Variants in CAPN2 observed in about 807,000 individuals in gnomAD.
The protein encoded by CAPN2 is calpain 2, also known as calpain-2 catalytic subunit.
CAPN2 carries 92 observed loss-of-function variants against 102.3 expected under a neutral mutation model. That is an observed-to-expected ratio of 0.90 (90% CI 0.76 to 1.07). The LOEUF is 1.07. Among genes scored for constraint, CAPN2 ranks in the 50% least tolerant of loss-of-function variants. The probability of loss-of-function intolerance (pLI) is 0.00; values close to 1 mark genes in which losing one functional copy is unlikely to be tolerated. For synonymous variants in CAPN2, 340 were observed against 355.4 expected (o/e 0.96, Z 0.49); for missense variants, 800 against 909.4 (o/e 0.88, Z 1.55).
In CAPN2 at chr1:223,756,167, C is replaced by T. The variant is rs889925148; in HGVS notation, c.1305+518C>T. 6.6e-6 allele frequency among the ~76,000 whole-genome samples: 1 copy of T among 152,162 alleles called. No individual in the cohort carries two copies. The highest frequency in any genetic ancestry group is 1.5e-5 in the Non-Finnish European group (1 of 68,032). On this transcript the variant is annotated intron_variant, in intron 10 of 20. Coordinates refer to ENST00000295006, the MANE Select transcript of CAPN2 (RefSeq NM_001748.5). The surrounding 1 kb of genome is among the most constrained non-coding windows in gnomAD (Gnocchi z 4.1). The stretch of plus-strand genomic sequence containing the variant: ...TCCCTACACAGACTCCTGCTGTATG[C>T]GTGTTTTCCTTTCACTCTGAGCCAC...
upstream of CAPN2, among the ~76,000 whole-genome samples, chr1:223,708,709 T>G (rs950920262): frequency 6.6e-6 from 1 of 151,508 alleles, no homozygotes; most frequent in Non-Finnish European, 1.5e-5. Flanking sequence ...AGGCGAAGGT[T>G]GCAGTGAGTG....
upstream of CAPN2, among the ~76,000 whole-genome samples, chr1:223,711,886 C>T (rs1659737688): frequency 6.6e-6 from 1 of 152,170 alleles, no homozygotes; most frequent in African/African-American, 2.4e-5. Flanking sequence ...TGTGAACTAC[C>T]GCACCCAGCC....
At chr1:223,711,238 A>T (rs968628515), upstream of CAPN2, among the ~76,000 whole-genome samples, 6 of 152,194 alleles carry the variant, frequency 3.9e-5, no homozygotes, top group African/African-American at 1.4e-4. Context: ...GACCATGCAC[A>T]GTTTTCCAGT....
chr1:223,747,874 G>A lies in CAPN2; in HGVS notation c.729+709G>A, dbSNP rs144036486. Among the ~76,000 whole-genome samples the A allele has an allele frequency of 1.4e-4, 21 of 152,298 alleles. 1 individual carries two copies. In the East Asian group the frequency reaches 4.1e-3, roughly 29 times the overall value. ...GAGGTATTGGTTTCTGAGCACCCCA[G>A]TGTCTACCATTATTGCTCATCACCT... is the stretch of plus-strand genomic sequence containing the variant. On this transcript the variant is annotated intron_variant, in intron 5 of 20. Transcript: ENST00000295006.
At chr1:223,737,623 G>GAA (rs1660488485) in intron 2 of CAPN2, among the ~76,000 whole-genome samples, 2 of 143,844 alleles carry the variant, frequency 1.4e-5, no homozygotes, top group Non-Finnish European at 3.0e-5. Context: ...GAGCTTTACA[G>GAA]TGACTTAGGC....
chr1:223,716,076 A>G (rs1659866751), intron 1 of CAPN2, among the ~76,000 whole-genome samples: 1 of 152,242 alleles, frequency 6.6e-6, no homozygotes, highest in Non-Finnish European at 1.5e-5. Flanking sequence ...AACCTAGGTT[A>G]TCAGAATAAT....
chr1:223,732,247 A>G (rs1660356865), intron 2 of CAPN2, among the ~76,000 whole-genome samples: 1 of 152,226 alleles, frequency 6.6e-6, no homozygotes. Flanking sequence ...CGCTCAAGAA[A>G]GAATTCAGGG....
intron 15 of CAPN2, among the ~76,000 whole-genome samples, chr1:223,765,596 C>T (rs1322990670): frequency 3.3e-5 from 5 of 152,206 alleles, no homozygotes; most frequent in East Asian, 1.9e-4. Context: ...ATTCGCTCCG[C>T]GCGTGCCTCT....
At chr1:223,768,290 C>A (rs1266827801) in intron 16 of CAPN2, among the ~76,000 whole-genome samples, 1 of 150,898 alleles carries the variant, frequency 6.6e-6, no homozygotes, top group African/African-American at 2.4e-5. Context: ...AATGGTAATG[C>A]CTAGGTTTTC....
At chr1:223,720,990 G>A (rs939220546) in intron 2 of CAPN2, among the ~76,000 whole-genome samples, 9 of 152,120 alleles carry the variant, frequency 5.9e-5, no homozygotes, top group African/African-American at 2.2e-4. Flanking sequence ...AGGGAACTTG[G>A]GCAGGTGACA....
At chr1:223,770,408 T>G (rs771965744) in intron 17 of CAPN2, 39 bp from the exon 18 acceptor site, 1 of 1,487,094 alleles carries the variant, frequency 6.7e-7, no homozygotes, top group East Asian at 2.3e-5. Context: ...CCAGCTTTGC[T>G]TTGGGTCATA....
intron 15 of CAPN2, 36 bp from the exon 16 acceptor site, chr1:223,766,331 A>G (rs1428651381): frequency 7.1e-6 from 11 of 1,544,634 alleles, no homozygotes; most frequent in Non-Finnish European, 8.1e-6. Flanking sequence ...ATCACCGCTC[A>G]GAGATTTTTC....
rs1046325825 is a variant in CAPN2, at chr1:223,755,578, A to G, written c.1234A>G (p.Ile412Val). 3 of 1,613,572 alleles carry G rather than the reference A, an allele frequency of 1.9e-6. No individual in the cohort carries two copies. The highest frequency in any genetic ancestry group is 2.7e-5 in the African/African-American group (2 of 75,054). Residue 412 changes from isoleucine (I) to valine (V), a missense_variant, in exon 10 of 21, where the codon ATT (isoleucine) becomes GTT (valine). Coordinates refer to ENST00000295006, the MANE Select transcript of CAPN2 (RefSeq NM_001748.5). The surrounding 1 kb of genome is among the most constrained non-coding windows in gnomAD (Gnocchi z 4.1). ...ESGCTFLVGL[I>V]QKHRRRQRKM... ...CGGCTGCACCTTCCTGGTGGGGCTC[A>G]TTCAGAAGCACCGACGGCGGCAGAG...
chr1:223,742,920 G>A (rs936244536), intron 2 of CAPN2, among the ~76,000 whole-genome samples: 1 of 152,166 alleles, frequency 6.6e-6, no homozygotes, highest in Non-Finnish European at 1.5e-5. Flanking sequence ...ATGGGAAATT[G>A]TAGGAAAGTG....
chr1:223,744,155 G>A lies in CAPN2; in HGVS notation c.363G>A (p.Leu121=). Residue 121 remains leucine (L), a synonymous_variant, in exon 3 of 21, where the codon CTG becomes CTA. Coordinates refer to ENST00000295006, the MANE Select transcript of CAPN2 (RefSeq NM_001748.5). The part of the protein sequence containing the change: ...IASLTLNEEI[L]ARVVPLNQSF... ...CCCTCACCTTGAATGAAGAAATCCT[G>A]GCTCGAGTCGTCCCCCTAAACCAGA... The A allele has an allele frequency of 6.2e-7, 1 of 1,614,176 alleles. No individual in the cohort carries two copies. Among genetic ancestry groups the A allele is most frequent in the East Asian group, 2.2e-5 (1 of 44,874 alleles).
In CAPN2 at chr1:223,731,212, A is replaced by G. The variant is rs1209783011; in HGVS notation, c.308-12888A>G. Among the ~76,000 whole-genome samples, 1 of 152,158 alleles carries G rather than the reference A, an allele frequency of 6.6e-6. No individual in the cohort carries two copies. Among genetic ancestry groups the G allele is most frequent in the African/African-American group, 2.4e-5 (1 of 41,432 alleles). ...TTCTGAAAAAGGCAAATATTTTATT[A>G]TGCTTGGAGGGTCTGGTGCAGAAGG... On this transcript the variant is annotated intron_variant, in intron 2 of 20. Transcript: ENST00000295006. The surrounding 1 kb of genome is among the most constrained non-coding windows in gnomAD (Gnocchi z 4.2).
chr1:223,713,134 C>T (rs917660140), intron 1 of CAPN2, among the ~76,000 whole-genome samples: 1 of 152,178 alleles, frequency 6.6e-6, no homozygotes, highest in Non-Finnish European at 1.5e-5. Flanking sequence ...TCACTGCCCT[C>T]AGATCCCACT....
At chr1:223,711,561 A>G (rs1028519915), upstream of CAPN2, among the ~76,000 whole-genome samples, 5 of 152,236 alleles carry the variant, frequency 3.3e-5, no homozygotes, top group African/African-American at 1.2e-4. Context: ...GTTTATCTGA[A>G]ATTCAAATTA....
In CAPN2 at chr1:223,712,550, C is replaced by G. The variant is rs138727686; in HGVS notation, c.-91C>G. On this transcript the variant is annotated 5_prime_UTR_variant, in exon 1 of 21. Coordinates refer to ENST00000295006, the MANE Select transcript of CAPN2 (RefSeq NM_001748.5). ...GCGGCGGCGCCCGCAGTGGCCGCAG[C>G]AGCGCGCCGGGCCCTGGCCGCGCCC... 3.2e-3 allele frequency: 4,116 copies of G among 1,285,534 alleles called. 104 individuals are homozygous for G. In the African/African-American group the frequency reaches 0.054, roughly 17 times the overall value. The allele number at this position is 1,285,534 out of a possible 1,614,324, so 79.6% of individuals were successfully genotyped here. A position where few individuals can be genotyped will look rare whatever the true frequency, so the allele number is the denominator to read the frequency against.
Sources: allele counts gnomAD v4.1 joint callset (sites outside exome capture counted in the v4.1 genomes callset), GRCh38; gene constraint gnomAD v4.1.1; non-coding constraint Gnocchi (gnomAD v3.1); transcripts MANE v1.5; gene names NCBI Gene and HGNC (gene_info 2026-07-23, HGNC 2026-07-21).